LMTK2: variants seen among roughly 807,000 people sequenced by gnomAD.
LMTK2 encodes serine/threonine-protein kinase LMTK2.
In LMTK2, 37 loss-of-function variants were observed where a neutral mutation model predicts 127.5. The ratio of observed to expected loss-of-function variants is 0.29; its 90% CI spans 0.22 to 0.38. The LOEUF (loss-of-function observed/expected upper bound fraction) is 0.38. Ranked by LOEUF, LMTK2 falls within the 10% of genes least tolerant of loss-of-function variation. The pLI is 1.00. For synonymous variants in LMTK2, 819 were observed against 810.1 expected (o/e 1.01, Z -0.19); for missense variants, 1,694 against 1,920.3 (o/e 0.88, Z 2.20).
intron 9 of LMTK2, 113 bp from the exon 10 acceptor site, chr7:98,190,615 A>T: frequency 1.0e-6 from 1 of 967,420 alleles, no homozygotes; most frequent in Non-Finnish European, 1.6e-6. Context: ...TCCTATTAAT[A>T]ATCTTTTCAA....
intron 11 of LMTK2, among the ~76,000 whole-genome samples, chr7:98,202,297 G>T (rs887225310): frequency 7.9e-5 from 12 of 152,060 alleles, no homozygotes; most frequent in African/African-American, 2.9e-4. Flanking sequence ...CTTATCATCT[G>T]TTCCTTTGCT....
chr7:98,159,287 G>C, intron 5 of LMTK2, 51 bp from the exon 6 acceptor site: 1 of 1,200,784 alleles, frequency 8.3e-7, no homozygotes, highest in Non-Finnish European at 1.2e-6. Flanking sequence ...TTTGAATAAT[G>C]TTATTATCAT....
intron 1 of LMTK2, among the ~76,000 whole-genome samples, chr7:98,118,421 C>T (rs1050186329): frequency 6.6e-6 from 1 of 152,148 alleles, no homozygotes; most frequent in Non-Finnish European, 1.5e-5. Context: ...TTATAGGCAA[C>T]TCCTTGAATT....
chr7:98,174,806 TGA>T (rs1256660286), intron 7 of LMTK2, among the ~76,000 whole-genome samples: 2 of 152,030 alleles, frequency 1.3e-5, no homozygotes, highest in Non-Finnish European at 2.9e-5. Context: ...AATGACAAGG[TGA>T]GAGGTAGAGA....
At position 98,192,709 on chromosome 7, in the gene LMTK2, A is replaced by T. The variant is rs1208504857; in HGVS notation, c.2244A>T (p.Glu748Asp). The stretch of plus-strand genomic sequence containing the variant: ...AACACATAAATGATCTTCAGACAGA[A>T]CTTAAGAATGCTGGTTTTACTGAAG... ...SKEHINDLQT[E>D]LKNAGFTEAM... The change falls in exon 11 of 14, where the codon GAA (glutamate) becomes GAT (aspartate). Residue 748 changes from glutamate (E) to aspartate (D), a missense_variant. Glu to Asp is a conservative substitution (Grantham distance 45). Transcript: ENST00000297293. The T allele has an allele frequency of 1.9e-6, 3 of 1,612,240 alleles. No homozygotes were observed. The highest frequency in any genetic ancestry group is 1.1e-5 in the South Asian group (1 of 90,810).
chr7:98,127,359 G>A (rs1796458054), intron 1 of LMTK2, among the ~76,000 whole-genome samples: 1 of 152,168 alleles, frequency 6.6e-6, no homozygotes, highest in African/African-American at 2.4e-5. Context: ...TTAGAGATGG[G>A]CTTTATGTTG....
intron 13 of LMTK2, 121 bp from the exon 14 acceptor site, chr7:98,205,343 G>A: frequency 8.4e-7 from 1 of 1,194,690 alleles, no homozygotes; most frequent in Non-Finnish European, 1.2e-6. Flanking sequence ...GGCTCAGGCG[G>A]TGCTGGGCTC....
At chr7:98,110,142 C>T (rs1023911787) in intron 1 of LMTK2, among the ~76,000 whole-genome samples, 1 of 151,992 alleles carries the variant, frequency 6.6e-6, no homozygotes, top group Non-Finnish European at 1.5e-5. Flanking sequence ...TTTAATGGTG[C>T]CTTAGAGAAA....
At chr7:98,154,322 G>A (rs1202614056) in intron 4 of LMTK2, among the ~76,000 whole-genome samples, 2 of 152,122 alleles carry the variant, frequency 1.3e-5, no homozygotes, top group East Asian at 1.9e-4. Context: ...ATTAGCTTTC[G>A]TCAGTTTACT....
Position 98,193,289 on chromosome 7 carries a change from A to C in LMTK2, c.2824A>C (p.Lys942Gln). 2 of 1,613,908 alleles carry C rather than the reference A, an allele frequency of 1.2e-6. No individual in the cohort carries two copies. Among genetic ancestry groups the C allele is most frequent in the Non-Finnish European group, 1.7e-6 (2 of 1,180,026 alleles). The change falls in exon 11 of 14, where the codon AAA (lysine) becomes CAA (glutamine). Residue 942 changes from lysine (K) to glutamine (Q), a missense_variant. Lys to Gln is a moderately conservative substitution (Grantham distance 53). Transcript: ENST00000297293. The surrounding 1 kb of genome is among the most constrained non-coding windows in gnomAD (Gnocchi z 4.1). ...CCATCACAGTCATCGCCGGCTAGAG[A>C]AAAACTTAGAGGCTGTGGAGACTTT... ...EDHHSHRRLE[K>Q]NLEAVETLNQ...
At chr7:98,199,929 A>G (rs1394152481) in intron 11 of LMTK2, among the ~76,000 whole-genome samples, 1 of 152,160 alleles carries the variant, frequency 6.6e-6, no homozygotes, top group Non-Finnish European at 1.5e-5. Flanking sequence ...CTGTTCTGAA[A>G]AATCTGCCTT....
At chr7:98,107,943 C>T (rs1413803456) in intron 1 of LMTK2, among the ~76,000 whole-genome samples, 1 of 152,016 alleles carries the variant, frequency 6.6e-6, no homozygotes, top group Non-Finnish European at 1.5e-5. Context: ...TCTCCCCCCC[C>T]GCCCATTTTC....
Position 98,203,877 on chromosome 7 carries a change from C to G in LMTK2, c.4241-67C>G. On this transcript the variant is annotated intron_variant, in intron 12 of 13. Coordinates refer to ENST00000297293, the MANE Select transcript of LMTK2 (RefSeq NM_014916.4). ...CTTCCGACCTGCAGGGCGCACCTGC[C>G]CAGAGGCTCCCCCTCTCCCTCATCA... The G allele has an allele frequency of 5.0e-6, 8 of 1,594,612 alleles. No individual in the cohort carries two copies. In the South Asian group the frequency reaches 8.9e-5, roughly 18 times the overall value.
chr7:98,137,024 A>G (rs1401802818), intron 1 of LMTK2, among the ~76,000 whole-genome samples: 1 of 152,230 alleles, frequency 6.6e-6, no homozygotes, highest in Non-Finnish European at 1.5e-5. Context: ...TACCAGTGTT[A>G]CTGTCCTAGT....
chr7:98,189,633 C>A (rs530645897), intron 9 of LMTK2, among the ~76,000 whole-genome samples: 2 of 151,982 alleles, frequency 1.3e-5, no homozygotes, highest in Admixed American at 6.6e-5. Flanking sequence ...GACACAAATG[C>A]GGGATGGAGG....
chr7:98,173,862 C>G (rs1797233280), intron 7 of LMTK2, among the ~76,000 whole-genome samples: 1 of 152,138 alleles, frequency 6.6e-6, no homozygotes, highest in Non-Finnish European at 1.5e-5. Context: ...CGAGACTGTC[C>G]TGGCTAACAC....
chr7:98,124,920 C>A (rs1431859587), intron 1 of LMTK2, among the ~76,000 whole-genome samples: 2 of 152,174 alleles, frequency 1.3e-5, no homozygotes, highest in East Asian at 1.9e-4. Context: ...ATTTTTATAA[C>A]CCTCCTGGTA....
chr7:98,119,268 A>G (rs1796329673), intron 1 of LMTK2, among the ~76,000 whole-genome samples: 1 of 152,146 alleles, frequency 6.6e-6, no homozygotes, highest in African/African-American at 2.4e-5. Flanking sequence ...ACAAAATAAT[A>G]CCAGTTATTT....
chr7:98,202,795 TCA>T (rs747870566), intron 11 of LMTK2, among the ~76,000 whole-genome samples: 61 of 152,298 alleles, frequency 4.0e-4, no homozygotes, highest in Non-Finnish European at 7.2e-4. Flanking sequence ...CCCAGCAACT[TCA>T]TCGGGTCACC....
Sources: allele counts gnomAD v4.1 joint callset (sites outside exome capture counted in the v4.1 genomes callset), GRCh38; gene constraint gnomAD v4.1.1; non-coding constraint Gnocchi (gnomAD v3.1); transcripts MANE v1.5; gene names NCBI Gene and HGNC (gene_info 2026-07-23, HGNC 2026-07-21).